The following SUGCT variants were observed in gnomAD, a reference collection of about 807,000 sequenced individuals.
SUGCT encodes succinyl-CoA:glutarate CoA-transferase.
SUGCT carries 41 observed loss-of-function variants against 55.0 expected under a neutral mutation model. That is an observed-to-expected ratio of 0.74 (90% CI 0.58 to 0.97). SUGCT has a LOEUF of 0.97. Among genes scored for constraint, SUGCT ranks in the 50% least tolerant of loss-of-function variants. SUGCT has a pLI of 0.00. For synonymous variants in SUGCT, 187 were observed against 200.4 expected, an observed-to-expected ratio of 0.93 and a Z score of 0.56; for missense variants, 568 against 547.8, an observed-to-expected ratio of 1.04 and a Z score of -0.37.
chr7:40,610,116 TG>T (rs1324226350), intron 12 of SUGCT, among the ~76,000 whole-genome samples: 1 of 152,238 alleles, frequency 6.6e-6, no homozygotes, highest in Non-Finnish European at 1.5e-5. Flanking sequence ...TTGTCTCGTC[TG>T]CAGGACACCA....
chr7:40,598,557 C>T (rs1188482572), intron 12 of SUGCT, among the ~76,000 whole-genome samples: 1 of 152,140 alleles, frequency 6.6e-6, no homozygotes. Flanking sequence ...GAGAAAGGGT[C>T]ACTGCAAGAA....
chr7:40,185,833 T>C (rs987616588), intron 3 of SUGCT, among the ~76,000 whole-genome samples: 6 of 152,138 alleles, frequency 3.9e-5, no homozygotes, highest in Non-Finnish European at 7.4e-5. Flanking sequence ...TATTGTCCTT[T>C]TTTTGACCAG....
chr7:40,226,801 G>A (rs1163259772), intron 6 of SUGCT, among the ~76,000 whole-genome samples: 2 of 151,764 alleles, frequency 1.3e-5, no homozygotes, highest in African/African-American at 4.8e-5. Context: ...AATGAAATTT[G>A]CATATCACTT....
chr7:40,642,991 G>C (rs1562921086), intron 12 of SUGCT, among the ~76,000 whole-genome samples: 2 of 152,098 alleles, frequency 1.3e-5, no homozygotes, highest in African/African-American at 4.8e-5. Context: ...TCAAATTATT[G>C]TGTTGGAGGT....
chr7:40,180,849 G>A, intron 1 of SUGCT, 98 bp from the exon 2 acceptor site: 1 of 904,694 alleles, frequency 1.1e-6, no homozygotes, highest in Non-Finnish European at 1.8e-6. Context: ...AAGAATCACT[G>A]TAGTCCTTGT....
chr7:40,342,107 T>G (rs73688045), intron 9 of SUGCT, among the ~76,000 whole-genome samples: 41 of 152,332 alleles, frequency 2.7e-4, no homozygotes, highest in African/African-American at 9.6e-4. Context: ...ATCTCTCACC[T>G]GGCAGGGGAA....
the SUGCT span, among the ~76,000 whole-genome samples, chr7:40,918,208 A>G: frequency 6.6e-6 from 1 of 152,226 alleles, no homozygotes. Context: ...CACACCTGTA[A>G]TCCCAGCACT....
chr7:41,027,038 AG>A, the SUGCT span, among the ~76,000 whole-genome samples: 4 of 152,196 alleles, frequency 2.6e-5, no homozygotes, highest in Admixed American at 6.5e-5. Context: ...TCTAAAAAAA[AG>A]TTTCATACTT....
chr7:40,894,466 T>C, the SUGCT span, among the ~76,000 whole-genome samples: 1 of 152,116 alleles, frequency 6.6e-6, no homozygotes, highest in Non-Finnish European at 1.5e-5. Context: ...AATTGACAAA[T>C]GGGATCTAGT....
intron 13 of SUGCT, among the ~76,000 whole-genome samples, chr7:40,770,214 C>G (rs1169108647): frequency 6.6e-6 from 1 of 152,042 alleles, no homozygotes; most frequent in African/African-American, 2.4e-5. Flanking sequence ...TTATGTTTTG[C>G]CTAGATAACT....
At chr7:40,400,888 A>G (rs1396286408) in intron 9 of SUGCT, among the ~76,000 whole-genome samples, 2 of 152,152 alleles carry the variant, frequency 1.3e-5, no homozygotes, top group Non-Finnish European at 2.9e-5. Context: ...TAGGTGGGGA[A>G]AAGATTTTTG....
At chr7:40,960,884 T>C in the SUGCT span, among the ~76,000 whole-genome samples, 2 of 152,212 alleles carry the variant, frequency 1.3e-5, no homozygotes, top group Non-Finnish European at 2.9e-5. Flanking sequence ...TATTAATGCA[T>C]GTTTGACAGC....
chr7:40,435,150 A>G (rs1014601454), intron 9 of SUGCT, among the ~76,000 whole-genome samples: 10 of 152,214 alleles, frequency 6.6e-5, no homozygotes, highest in Non-Finnish European at 1.2e-4. Flanking sequence ...GAAAGGGTAC[A>G]AAGGCTGACC....
intron 9 of SUGCT, among the ~76,000 whole-genome samples, chr7:40,332,803 G>A (rs1796400371): frequency 6.6e-6 from 1 of 152,134 alleles, no homozygotes; most frequent in South Asian, 2.1e-4. Flanking sequence ...TAAAAACTGG[G>A]AGAAAGTTGA....
rs576383371 is a variant in SUGCT, at chr7:40,823,559, T to G, written c.1154-36757T>G. 9.9e-5 allele frequency among the ~76,000 whole-genome samples: 15 copies of G among 152,260 alleles called. No individual in the cohort carries two copies. The South Asian group carries it at 3.1e-3, about 32-fold the overall frequency. On this transcript the variant is annotated intron_variant, in intron 13 of 13. Coordinates refer to ENST00000335693, the MANE Select transcript of SUGCT (RefSeq NM_001193313.2). ...TAGTTTTCCTTTTCCTCCACCTAAC[T>G]CTACTACACTGCTTATTATAAACAG...
At chr7:40,890,782 C>T in the SUGCT span, among the ~76,000 whole-genome samples, 1 of 152,096 alleles carries the variant, frequency 6.6e-6, no homozygotes, top group Non-Finnish European at 1.5e-5. Context: ...AAACATAACA[C>T]CAACAAAGGA....
intron 13 of SUGCT, among the ~76,000 whole-genome samples, chr7:40,815,147 C>T (rs1379538667): frequency 1.3e-5 from 2 of 152,202 alleles, no homozygotes; most frequent in Non-Finnish European, 2.9e-5. Flanking sequence ...GTGGAGTGCA[C>T]AGTGGTCTGA....
the SUGCT span, among the ~76,000 whole-genome samples, chr7:40,885,498 C>A: frequency 1.3e-5 from 2 of 152,156 alleles, no homozygotes; most frequent in Admixed American, 6.5e-5. Flanking sequence ...TCTTTGGGGA[C>A]CCTTGTTCCC....
rs576142202 is a variant in SUGCT at position 40,171,117 on chromosome 7, C to T, written c.101-9830C>T. ...TTTGCCCACTAGGGCCTTTGTCCTT[C>T]TTTCCTTTGTAGGAATGTGCCCTAA... is the stretch of plus-strand genomic sequence containing the variant. On this transcript the variant is annotated intron_variant, in intron 1 of 13. Coordinates refer to ENST00000335693, the MANE Select transcript of SUGCT (RefSeq NM_001193313.2). 5.3e-5 allele frequency among the ~76,000 whole-genome samples: 8 copies of T among 152,302 alleles called. No homozygotes were observed. The East Asian group carries it at 1.3e-3, about 26-fold the overall frequency.
Sources: gnomAD v4.1 joint callset for allele counts (sites outside exome capture counted in the v4.1 genomes callset) on GRCh38, gnomAD v4.1.1 for gene constraint, MANE v1.5 for transcripts, NCBI Gene and HGNC (gene_info 2026-07-23, HGNC 2026-07-21) for gene names.